Variants in SGCD observed in about 807,000 individuals in gnomAD.
SGCD encodes the protein sarcoglycan delta.
A neutral mutation model predicts 36.6 loss-of-function variants in SGCD; 18 were observed. That is an observed-to-expected ratio of 0.49 (90% CI 0.34 to 0.73). SGCD has a LOEUF of 0.73. Ranked by LOEUF, SGCD falls within the 30% of genes least tolerant of loss-of-function variation. The pLI is 0.01. For synonymous variants in SGCD, 133 were observed against 130.6 expected (o/e 1.02, Z -0.12); for missense variants, 387 against 346.7 (o/e 1.12, Z -0.92).
chr5:156,603,537 C>T (rs965339887), intron 6 of SGCD, among the ~76,000 whole-genome samples: 13 of 151,962 alleles, frequency 8.6e-5, no homozygotes, highest in South Asian at 2.1e-4. Context: ...TTTACTTTTT[C>T]GATATAGGCA....
chr5:156,172,098 C>T (rs758381081), intron 3 of SGCD, among the ~76,000 whole-genome samples: 17 of 152,152 alleles, frequency 1.1e-4, no homozygotes, highest in African/African-American at 2.9e-4. Context: ...ACCTGGCCAA[C>T]GTGGTGAAAT....
In SGCD at chr5:156,049,022, C is replaced by A. The variant is rs566911199; in HGVS notation, c.-281-68856C>A. Among the ~76,000 whole-genome samples, 32 of 146,996 alleles carry A rather than the reference C, an allele frequency of 2.2e-4. 1 individual carries two copies. The highest frequency in any genetic ancestry group is 6.6e-4 in the African/African-American group (27 of 40,920). ...TTGTATAAGGTGTAAGGAAGGGATCCAGTTTCAGCTTTCTACATATGGCTA... is the reference window on the plus strand; with the variant it reads ...TTGTATAAGGTGTAAGGAAGGGATCAAGTTTCAGCTTTCTACATATGGCTA... On this transcript the variant is annotated intron_variant, in intron 1 of 9. Transcript: ENST00000517913.
At chr5:156,147,729 C>T (rs1762737848) in intron 3 of SGCD, among the ~76,000 whole-genome samples, 1 of 152,116 alleles carries the variant, frequency 6.6e-6, no homozygotes, top group African/African-American at 2.4e-5. Flanking sequence ...CCTACAAAAT[C>T]TAGTGATGTG....
intron 1 of SGCD, among the ~76,000 whole-genome samples, chr5:155,991,650 G>A (rs532483334): frequency 2.6e-5 from 4 of 152,276 alleles, no homozygotes; most frequent in African/African-American, 9.6e-5. Flanking sequence ...GGTGATGCTC[G>A]ATGTGTGTTG....
chr5:156,108,731 G>A (rs1761710976), intron 1 of SGCD, among the ~76,000 whole-genome samples: 1 of 151,996 alleles, frequency 6.6e-6, no homozygotes, highest in South Asian at 2.1e-4. Flanking sequence ...TGGAGTTGTA[G>A]GTCTACAATG....
chr5:156,283,809 C>A (rs370258380), intron 3 of SGCD, among the ~76,000 whole-genome samples: 1 of 152,142 alleles, frequency 6.6e-6, no homozygotes, highest in Non-Finnish European at 1.5e-5. Flanking sequence ...GCAGACCACA[C>A]GTTGAGAAGC....
chr5:156,089,506 G>T (rs905923684), intron 1 of SGCD, among the ~76,000 whole-genome samples: 3 of 152,212 alleles, frequency 2.0e-5, no homozygotes, highest in Non-Finnish European at 4.4e-5. Flanking sequence ...ACTTCCTTCA[G>T]TAATGCTTTG....
At chr5:156,272,257 T>G (rs1415818947) in intron 3 of SGCD, among the ~76,000 whole-genome samples, 2 of 152,208 alleles carry the variant, frequency 1.3e-5, no homozygotes, top group Non-Finnish European at 2.9e-5. Context: ...CACTTATAAG[T>G]GAGAACATGT....
chr5:155,791,255 C>A, the SGCD span, among the ~76,000 whole-genome samples: 1 of 152,016 alleles, frequency 6.6e-6, no homozygotes, highest in African/African-American at 2.4e-5. Flanking sequence ...TTAAGGTGGT[C>A]TCATGGAACA....
intron 3 of SGCD, among the ~76,000 whole-genome samples, chr5:156,378,416 G>A (rs1401121862): frequency 2.0e-5 from 3 of 152,160 alleles, no homozygotes; most frequent in Non-Finnish European, 2.9e-5. Flanking sequence ...AGATGGGGAT[G>A]CTTTCACAGC....
chr5:156,122,843 TAAAAAAAAAAAAAAAAAAA>T (rs33983852), intron 2 of SGCD, among the ~76,000 whole-genome samples: 28 of 54,158 alleles, frequency 5.2e-4, no homozygotes, highest in South Asian at 8.7e-4. Context: ...AAAGATGTGG[TAAAAAAAAAAAAAAAAAAA>T]AAAAAAAAAA....
chr5:156,470,458 G>A (rs866967574), intron 3 of SGCD, among the ~76,000 whole-genome samples: 3 of 151,868 alleles, frequency 2.0e-5, no homozygotes, highest in Non-Finnish European at 1.5e-5. Flanking sequence ...TCGTCATTTA[G>A]CATTAGTTAT....
intron 3 of SGCD, among the ~76,000 whole-genome samples, chr5:156,278,101 CAT>C (rs1766363932): frequency 6.6e-6 from 1 of 152,066 alleles, no homozygotes; most frequent in Non-Finnish European, 1.5e-5. Context: ...AGGAGCCAAT[CAT>C]GTGGAAATAA....
intron 3 of SGCD, among the ~76,000 whole-genome samples, chr5:156,137,648 G>T (rs761571241): frequency 1.3e-5 from 2 of 151,874 alleles, no homozygotes; most frequent in Non-Finnish European, 2.9e-5. Context: ...CTTCCCTAGA[G>T]AAATGCTTTT....
chr5:156,125,358 A>C (rs979469262), intron 3 of SGCD, among the ~76,000 whole-genome samples: 2 of 151,834 alleles, frequency 1.3e-5, no homozygotes, highest in Non-Finnish European at 2.9e-5. Flanking sequence ...CTGTCATTTT[A>C]TTTCTGAATT....
intron 1 of SGCD, among the ~76,000 whole-genome samples, chr5:156,026,632 C>T (rs758543105): frequency 1.3e-5 from 2 of 152,174 alleles, no homozygotes; most frequent in Non-Finnish European, 2.9e-5. Context: ...GTTTAATCGT[C>T]AGCTTCCTGC....
At chr5:155,730,053 G>A in the SGCD span, among the ~76,000 whole-genome samples, 2 of 152,130 alleles carry the variant, frequency 1.3e-5, no homozygotes, top group Non-Finnish European at 2.9e-5. Context: ...CATACACAAG[G>A]GCAGGTATGG....
At chr5:155,757,057 G>A in the SGCD span, among the ~76,000 whole-genome samples, 1,720 of 152,336 alleles carry the variant, frequency 0.011, 13 homozygotes, top group Middle Eastern at 0.037. Flanking sequence ...TATGCTGAAA[G>A]AGGCTATACC....
intron 1 of SGCD, among the ~76,000 whole-genome samples, chr5:155,921,045 C>T (rs112882972): frequency 2.0e-3 from 299 of 152,054 alleles, no homozygotes; most frequent in Admixed American, 2.4e-3. Flanking sequence ...TTGGGCAATA[C>T]CAACATTTAA....
Sources: gnomAD v4.1 joint callset for allele counts (sites outside exome capture counted in the v4.1 genomes callset) on GRCh38, gnomAD v4.1.1 for gene constraint, MANE v1.5 for transcripts, NCBI Gene and HGNC (gene_info 2026-07-23, HGNC 2026-07-21) for gene names.